Variants in GBP1 observed in about 807,000 individuals in gnomAD.
The protein encoded by GBP1 is guanylate-binding protein 1.
GBP1 carries 64 observed loss-of-function variants against 69.5 expected under a neutral mutation model. That is an observed-to-expected ratio of 0.92 (90% CI 0.75 to 1.13). The LOEUF (loss-of-function observed/expected upper bound fraction) is 1.13, where lower values mean the gene tolerates loss of function less well. Ranked by LOEUF, GBP1 falls within the 50% of genes most tolerant of loss-of-function variation. The pLI is 0.00. For synonymous variants in GBP1, 250 were observed against 261.2 expected (o/e 0.96, Z 0.41); for missense variants, 630 against 704.1 (o/e 0.89, Z 1.19).
chr1:89,053,345 G>T lies in GBP1; in HGVS notation c.*10C>A. ...TGCCTTGGTTAGGGGTGACAGGAAGGCTCTGGTCTTTAGCTTATGGTACAT... is the reference window on the plus strand; with the variant it reads ...TGCCTTGGTTAGGGGTGACAGGAAGTCTCTGGTCTTTAGCTTATGGTACAT... On this transcript the variant is annotated 3_prime_UTR_variant, in exon 11 of 11. Coordinates refer to ENST00000370473, the MANE Select transcript of GBP1 (RefSeq NM_002053.3). 1.2e-6 allele frequency: 2 copies of T among 1,605,598 alleles called. No individual in the cohort carries two copies. The highest frequency in any genetic ancestry group is 2.7e-5 in the African/African-American group (2 of 74,642).
chr1:89,063,242 C>G lies in GBP1; in HGVS notation c.-8G>C, dbSNP rs368908148. 6.2e-7 allele frequency: 1 copy of G among 1,613,200 alleles called. No individual in the cohort carries two copies. The highest frequency in any genetic ancestry group is 8.5e-7 in the Non-Finnish European group (1 of 1,179,424). Reference sequence around the variant, plus strand: ...GTGGATCTCTGATGCCATGTCCAGGCTGTTCCCTTGTCTGCAAGAGAAGAG... The same window carrying G: ...GTGGATCTCTGATGCCATGTCCAGGGTGTTCCCTTGTCTGCAAGAGAAGAG... On this transcript the variant is annotated 5_prime_UTR_variant, in exon 2 of 11. Transcript: ENST00000370473.
At chr1:89,059,503 A>T in intron 3 of GBP1, 77 bp from the exon 4 acceptor site, 4 of 1,267,942 alleles carry the variant, frequency 3.2e-6, no homozygotes, top group East Asian at 2.5e-5. Flanking sequence ...TAGTAAAACT[A>T]TGTTCATATG....
chr1:89,064,744 G>A (rs543494068), intron 1 of GBP1, among the ~76,000 whole-genome samples: 3 of 152,212 alleles, frequency 2.0e-5, no homozygotes, highest in East Asian at 1.9e-4. Flanking sequence ...AAAAGAACCC[G>A]TTTGTAACTC....
Position 89,058,980 on chromosome 1 carries a change from C to T in GBP1, c.492G>A (p.Glu164=), listed in dbSNP as rs1680113808. 1 of 1,614,138 alleles carries T rather than the reference C, an allele frequency of 6.2e-7. No individual in the cohort carries two copies. The highest frequency in any genetic ancestry group is 8.5e-7 in the Non-Finnish European group (1 of 1,180,014). The change falls in exon 5 of 11, where the codon GAG becomes GAA. Residue 164 remains glutamate, a synonymous_variant. Coordinates refer to ENST00000370473, the MANE Select transcript of GBP1 (RefSeq NM_002053.3). ...SKSSPDENEN[E]VEDSADFVSF... The stretch of plus-strand genomic sequence containing the variant: ...TCACAAAGTCAGCTGAATCCTCAAC[C>T]TCATTCTCATTCTCATCAGGTGAGG...
At position 89,065,150 on chromosome 1, in the gene GBP1, A is replaced by G. The variant is rs1680302146; in HGVS notation, c.-20+10T>C. ...AAAGCTGCTTGATGAGAAGTAGTAA[A>G]AGTTCTTACCTGTTCTTTTTCTCCT... On this transcript the variant is annotated intron_variant, in intron 1 of 10. Transcript: ENST00000370473. 6.6e-6 allele frequency: 1 copy of G among 152,112 alleles called. No individual in the cohort carries two copies. The highest frequency in any genetic ancestry group is 6.5e-5 in the Admixed American group (1 of 15,272). The allele number at this position is 152,112 out of a possible 1,614,324, so 9.4% of individuals were successfully genotyped here. A position where few individuals can be genotyped will look rare whatever the true frequency, so the allele number is the denominator to read the frequency against.
At position 89,062,959 on chromosome 1, in the gene GBP1, T is replaced by A; in HGVS notation, c.190+86A>T. ...TTAGCTTTCAGTATTCATCCTCATC[T>A]CTTTCTCTCCTCACATCTTCATAAT... On this transcript the variant is annotated intron_variant, in intron 2 of 10. Transcript: ENST00000370473. 3.3e-6 allele frequency: 5 copies of A among 1,520,882 alleles called. 1 individual carries two copies. The highest frequency in any genetic ancestry group is 4.5e-6 in the Non-Finnish European group (5 of 1,100,648). 94.2% of individuals were successfully genotyped at this position (1,520,882 alleles called of 1,614,324 possible). A position where few individuals can be genotyped will look rare whatever the true frequency, so the allele number is the denominator to read the frequency against.
chr1:89,058,163 A>G lies in GBP1; in HGVS notation c.703T>C (p.Cys235Arg). The G allele has an allele frequency of 1.2e-6, 2 of 1,613,936 alleles. No homozygotes were observed. The highest frequency in any genetic ancestry group is 1.7e-6 in the Non-Finnish European group (2 of 1,179,904). Residue 235 changes from cysteine to arginine, a missense_variant, in exon 6 of 11, where the codon TGC (cysteine) becomes CGC (arginine). By Grantham distance (180) the Cys-to-Arg change is radical (BLOSUM62 -3). Coordinates refer to ENST00000370473, the MANE Select transcript of GBP1 (RefSeq NM_002053.3). ...CIRKFFPKKKCFVFDRPVHRR... is the reference protein window; with the variant it reads ...CIRKFFPKKKRFVFDRPVHRR... The stretch of plus-strand genomic sequence containing the variant: ...TGAACGGGCCGATCAAAGACAAAGC[A>G]TTTTTTCTTTGGGAAGAATTTCCGG...
At chr1:89,054,897 A>G (rs750041112) in intron 9 of GBP1, 22 bp from the exon 10 acceptor site, 228 of 1,605,586 alleles carry the variant, frequency 1.4e-4, no homozygotes, top group Admixed American at 7.7e-4. Flanking sequence ...AAGGCAGAAG[A>G]AAAATTTGTG....
chr1:89,057,257 G>T, intron 6 of GBP1, 123 bp from the exon 7 acceptor site: 5 of 1,343,742 alleles, frequency 3.7e-6, no homozygotes, highest in Non-Finnish European at 4.1e-6. Context: ...GCATCACTTG[G>T]AAGCTTGCTG....
chr1:89,057,106 G>A lies in GBP1; in HGVS notation c.903C>T (p.Val301=), dbSNP rs763729522. Residue 301 remains valine (V), a synonymous_variant, in exon 7 of 11, where the codon GTC becomes GTT. Coordinates refer to ENST00000370473, the MANE Select transcript of GBP1 (RefSeq NM_002053.3). ...GCAGATCCCCACTGCTGATGGCATTGACGTAGGTCAGCACCAGGCTCTCTA... is the reference window on the plus strand; with the variant it reads ...GCAGATCCCCACTGCTGATGGCATTAACGTAGGTCAGCACCAGGCTCTCTA... ...PRLESLVLTY[V]NAISSGDLPC... is the part of the protein sequence containing the mutation. 6.2e-7 allele frequency: 1 copy of A among 1,614,272 alleles called. No homozygotes were observed.
rs771771732 is a variant in GBP1, at chr1:89,063,037, C to A, written c.190+8G>T. 9 of 1,613,810 alleles carry A rather than the reference C, an allele frequency of 5.6e-6. No homozygotes were observed. The highest frequency in any genetic ancestry group is 7.6e-6 in the Non-Finnish European group (9 of 1,179,896). On this transcript the variant is annotated splice_region_variant and intron_variant, in intron 2 of 10. Transcript: ENST00000370473. ...GGGACTTGGCAGAGCTTTGCTCATGCCACTCACCCTTTTTCTTTCCAGCCA... is the reference window on the plus strand; with the variant it reads ...GGGACTTGGCAGAGCTTTGCTCATGACACTCACCCTTTTTCTTTCCAGCCA...
In GBP1 at chr1:89,063,187, G is replaced by C. The variant is rs147556279; in HGVS notation, c.48C>G (p.Asn16Lys). 3 of 1,613,974 alleles carry C rather than the reference G, an allele frequency of 1.9e-6. No individual in the cohort carries two copies. Among genetic ancestry groups the C allele is most frequent in the Non-Finnish European group, 2.5e-6 (3 of 1,179,974 alleles). Residue 16 changes from asparagine (N) to lysine (K), a missense_variant, in exon 2 of 11, where the codon AAC becomes AAG. By Grantham distance (94) the Asn-to-Lys change is moderately conservative (BLOSUM62 0). Transcript: ENST00000370473. The part of the protein sequence containing the change: ...HMTGPMCLIE[N>K]TNGRLMANPE... The stretch of plus-strand genomic sequence containing the variant: ...GATTCGCCATCAGTCGCCCATTAGT[G>C]TTCTCAATGAGGCACATTGGGCCTG...
rs750445398 is a variant in GBP1, at chr1:89,059,020, CTA to C, written c.450_451del (p.His150GlnfsTer9). 3.7e-6 allele frequency: 6 copies of C among 1,614,028 alleles called. No individual in the cohort carries two copies. The highest frequency in any genetic ancestry group is 1.3e-5 in the African/African-American group (1 of 74,904). On this transcript the variant is annotated frameshift_variant, in exon 5 of 11. Coordinates refer to ENST00000370473, the MANE Select transcript of GBP1 (RefSeq NM_002053.3). LOFTEE classifies it high-confidence loss of function. ...ATCAGGTGAGGATTTTGATCGGATT[CTA>C]TGTGTCAGCTCTGTCACATAGCTGA...
chr1:89,065,122 G>C (rs984210676), intron 1 of GBP1, 38 bp downstream of exon 1: 3 of 152,180 alleles, frequency 2.0e-5, no homozygotes, highest in African/African-American at 7.2e-5. Context: ...TGGAGCTAGA[G>C]AGAAAGCTGC....
At position 89,060,251 on chromosome 1, in the gene GBP1, C is replaced by T. The variant is rs186011210; in HGVS notation, c.264G>A (p.Lys88=). The T allele has an allele frequency of 6.0e-4, 965 of 1,602,066 alleles. No individual in the cohort carries two copies. The highest frequency in any genetic ancestry group is 8.0e-4 in the Non-Finnish European group (938 of 1,175,044). The change falls in exon 3 of 11, where the codon AAG becomes AAA. Residue 88 remains lysine, a synonymous_variant. Coordinates refer to ENST00000370473, the MANE Select transcript of GBP1 (RefSeq NM_002053.3). ...CCAGCAGAACTAGGATGTGGCCTGG[C>T]TTCTTGGGGTGGGGCACACACCACA... ...IWMWCVPHPK[K]PGHILVLLDT...
At chr1:89,064,275 G>GAGAGAGAGAGA (rs1680280758) in intron 1 of GBP1, among the ~76,000 whole-genome samples, 1 of 147,418 alleles carries the variant, frequency 6.8e-6, no homozygotes, top group African/African-American at 2.5e-5. Flanking sequence ...GAGAGAGAGA[G>GAGAGAGAGAGA]GAGCTGTCAG....
chr1:89,062,435 G>C (rs1680222989), intron 2 of GBP1, among the ~76,000 whole-genome samples: 1 of 152,196 alleles, frequency 6.6e-6, no homozygotes, highest in Non-Finnish European at 1.5e-5. Context: ...ACTTATATAA[G>C]GTTTCTGTAG....
At position 89,063,210 on chromosome 1, in the gene GBP1, C is replaced by T; in HGVS notation, c.25G>A (p.Gly9Ser). MASEIHMT[G>S]PMCLIENTNG... ...GTGTTCTCAATGAGGCACATTGGGC[C>T]TGTCATGTGGATCTCTGATGCCATG... The change falls in exon 2 of 11, where the codon GGC becomes AGC. Residue 9 changes from glycine (G) to serine (S), a missense_variant. This residue lies in a region of GBP1 where 131 missense variants were observed against 138.5 expected (regional missense o/e 0.95). Transcript: ENST00000370473. 1 of 1,614,036 alleles carries T rather than the reference C, an allele frequency of 6.2e-7. No homozygotes were observed.
rs780304600 is a variant in GBP1, at chr1:89,058,148, G to C, written c.718C>G (p.Arg240Gly). 5.0e-6 allele frequency: 8 copies of C among 1,613,868 alleles called. No homozygotes were observed. Among genetic ancestry groups the C allele is most frequent in the Non-Finnish European group, 5.9e-6 (7 of 1,179,928 alleles). Residue 240 changes from arginine to glycine, a missense_variant, in exon 6 of 11, where the codon CGG becomes GGG. Coordinates refer to ENST00000370473, the MANE Select transcript of GBP1 (RefSeq NM_002053.3). ...GCAAGCTTCCTGCGGTGAACGGGCC[G>C]ATCAAAGACAAAGCATTTTTTCTTT... is the stretch of plus-strand genomic sequence containing the variant. Reference protein sequence around the residue: ...FPKKKCFVFDRPVHRRKLAQL... With the variant: ...FPKKKCFVFDGPVHRRKLAQL...
Sources: gnomAD v4.1 joint callset for allele counts (sites outside exome capture counted in the v4.1 genomes callset) on GRCh38, gnomAD v4.1.1 for gene constraint, gnomAD v4.1.1 regional missense constraint, MANE v1.5 for transcripts, NCBI Gene and HGNC (gene_info 2026-07-23, HGNC 2026-07-21) for gene names.